MKI67: variants seen among roughly 807,000 people sequenced by gnomAD.
MKI67 encodes the protein marker of proliferation Ki-67, also known as proliferation marker protein Ki-67.
MKI67 carries 152 observed loss-of-function variants against 233.5 expected under a neutral mutation model. The observed-to-expected ratio is 0.65, with a 90% confidence interval of 0.57 to 0.74. The LOEUF is 0.74. MKI67 is among the 30% of genes least tolerant of loss of function. MKI67 has a pLI of 0.00. For missense variants in MKI67, 3,940 were observed against 3,885.2 expected (o/e 1.01, Z -0.37); for synonymous variants, 1,465 against 1,418.5 (o/e 1.03, Z -0.74).
chr10:128,119,026 G>A (rs191840757), intron 5 of MKI67, among the ~76,000 whole-genome samples: 2 of 152,190 alleles, frequency 1.3e-5, no homozygotes, highest in Admixed American at 6.5e-5. Context: ...GGCTAAAAGT[G>A]TAAGACCAAC....
Position 128,107,878 on chromosome 10 carries a change from TC to T in MKI67, c.3961del (p.Asp1321ThrfsTer2). On this transcript the variant is annotated frameshift_variant, in exon 13 of 15. Coordinates refer to ENST00000368654, the MANE Select transcript of MKI67 (RefSeq NM_002417.5). LOFTEE classifies it high-confidence loss of function. ...IFVGTPVQKL[D>X]LTENLTGSKR... ...GCTGCCGGTTAAGTTCTCTGTCAGG[TC>T]CAGTTTCTGCACTGGAGTTCCCACA... is the stretch of plus-strand genomic sequence containing the variant. The T allele has an allele frequency of 6.2e-7, 1 of 1,613,170 alleles. No homozygotes were observed. Among genetic ancestry groups the T allele is most frequent in the African/African-American group, 1.3e-5 (1 of 74,640 alleles).
In MKI67 at chr10:128,105,222, G is replaced by A. The variant is rs1191883104; in HGVS notation, c.6618C>T (p.Cys2206=). The A allele has an allele frequency of 1.2e-6, 2 of 1,613,844 alleles. No homozygotes were observed. The highest frequency in any genetic ancestry group is 2.7e-5 in the African/African-American group (2 of 74,838). Residue 2206 remains cysteine, a synonymous_variant, in exon 13 of 15, where the codon TGC becomes TGT. Coordinates refer to ENST00000368654, the MANE Select transcript of MKI67 (RefSeq NM_002417.5). ...GLKELFQTPI[C]TDKPTTHEKT... is the part of the protein sequence containing the mutation. ...TCTCATGAGTCGTGGGCTTGTCAGT[G>A]CATATTGGTGTCTGGAAGAGCTCTT...
In MKI67 at chr10:128,102,820, G is replaced by A. The variant is rs142238967; in HGVS notation, c.9020C>T (p.Thr3007Met). 523 of 1,614,152 alleles carry A rather than the reference G, an allele frequency of 3.2e-4. No individual in the cohort carries two copies. The African/African-American group carries it at 5.9e-3, about 18-fold the overall frequency. The change falls in exon 13 of 15, where the codon ACG (threonine) becomes ATG (methionine). Residue 3007 changes from threonine to methionine, a missense_variant. Transcript: ENST00000368654. The part of the protein sequence containing the change: ...KRGGGKDGSV[T>M]GTKRLRCMPA... ...CATGCAGCGCAGCCTCTTGGTTCCCGTGACGCTTCCATCTTTGCCACCTCC... is the reference window on the plus strand; with the variant it reads ...CATGCAGCGCAGCCTCTTGGTTCCCATGACGCTTCCATCTTTGCCACCTCC...
chr10:128,119,808 A>G (rs1483692224), intron 4 of MKI67, among the ~76,000 whole-genome samples: 1 of 152,258 alleles, frequency 6.6e-6, no homozygotes, highest in African/African-American at 2.4e-5. Context: ...CCTATATTTT[A>G]GAACACTATG....
chr10:128,112,487 C>A (rs996102918), intron 8 of MKI67, 42 bp from the exon 9 acceptor site: 1 of 1,567,424 alleles, frequency 6.4e-7, no homozygotes, highest in Admixed American at 1.7e-5. Flanking sequence ...TAACAAGGAT[C>A]TAACATCTCT....
At chr10:128,109,960 C>G (rs769604104) in intron 12 of MKI67, among the ~76,000 whole-genome samples, 3 of 152,176 alleles carry the variant, frequency 2.0e-5, no homozygotes, top group Non-Finnish European at 4.4e-5. Context: ...ACACTTACCC[C>G]GGGCCTGCTC....
In MKI67 at chr10:128,125,729, G is replaced by A; in HGVS notation, c.-62C>T. 7.1e-7 allele frequency: 1 copy of A among 1,398,856 alleles called. No individual in the cohort carries two copies. The highest frequency in any genetic ancestry group is 1.7e-5 in the Admixed American group (1 of 59,556). 86.7% of individuals were successfully genotyped at this position (1,398,856 alleles called of 1,614,324 possible). Reference sequence around the variant, plus strand: ...AGGCCAGGTATAATCCGTAGGGGAAGGCCAGAAGCAAATTTACAACTCTTC... The same window carrying A: ...AGGCCAGGTATAATCCGTAGGGGAAAGCCAGAAGCAAATTTACAACTCTTC... On this transcript the variant is annotated 5_prime_UTR_variant, in exon 2 of 15. Transcript: ENST00000368654. This position sits in a 1 kb window ranked among gnomAD's most constrained non-coding sequence, Gnocchi z 5.3.
Position 128,103,595 on chromosome 10 carries a change from T to C in MKI67, c.8245A>G (p.Thr2749Ala). 6.2e-7 allele frequency: 1 copy of C among 1,614,194 alleles called. No individual in the cohort carries two copies. The highest frequency in any genetic ancestry group is 1.1e-5 in the South Asian group (1 of 91,082). The change falls in exon 13 of 15, where the codon ACC (threonine) becomes GCC (alanine). Residue 2749 changes from threonine to alanine, a missense_variant. Transcript: ENST00000368654. ...GCTGGTTCTTTGTCTGCATCCGTGG[T>C]TTCCCCTGATGTTTGTGTGAACTTG... Reference protein sequence around the residue: ...AVKFTQTSGETTDADKEPAGE... With the variant: ...AVKFTQTSGEATDADKEPAGE...
chr10:128,105,562 G>T lies in MKI67; in HGVS notation c.6278C>A (p.Thr2093Lys), dbSNP rs753990300. Residue 2093 changes from threonine to lysine, a missense_variant, in exon 13 of 15, where the codon ACA becomes AAA. Thr to Lys is a moderately conservative substitution (Grantham distance 78, BLOSUM62 -1). Coordinates refer to ENST00000368654, the MANE Select transcript of MKI67 (RefSeq NM_002417.5). ...TATTTTGGTAGTTTTGTCATCAGTT[G>T]TTGATTCCTCAGTGTGGTCTGGTGT... ...FQTPDHTEES[T>K]TDDKTTKIAC... The T allele has an allele frequency of 2.5e-6, 4 of 1,614,022 alleles. No homozygotes were observed. In the East Asian group the frequency reaches 8.9e-5, roughly 36 times the overall value.
chr10:128,103,192 T>C lies in MKI67; in HGVS notation c.8648A>G (p.Lys2883Arg). Residue 2883 changes from lysine to arginine, a missense_variant, in exon 13 of 15, where the codon AAA becomes AGA. Transcript: ENST00000368654. Reference sequence around the variant, plus strand: ...CCGCTTTGCAGGTTGCTTAAATGCTTTCGTGCCTTTGCCCTCACCTACCGG... The same window carrying C: ...CCGCTTTGCAGGTTGCTTAAATGCTCTCGTGCCTTTGCCCTCACCTACCGG... The part of the protein sequence containing the change: ...KEPVGEGKGT[K>R]AFKQPAKRKL... The C allele has an allele frequency of 6.2e-7, 1 of 1,613,372 alleles. No homozygotes were observed. Among genetic ancestry groups the C allele is most frequent in the Non-Finnish European group, 8.5e-7 (1 of 1,179,882 alleles).
In MKI67 at chr10:128,122,939, C is replaced by T; in HGVS notation, c.229G>A (p.Asp77Asn). Residue 77 changes from aspartate (D) to asparagine (N), a missense_variant, in exon 4 of 15, where the codon GAT becomes AAT. Asp to Asn is a conservative substitution (Grantham distance 23). Coordinates refer to ENST00000368654, the MANE Select transcript of MKI67 (RefSeq NM_002417.5). ...CCATGTTTTAGCCGTACAGGCTCAT[C>T]AATAACAGACCCATTTACTTGTGTT... ...NPTQVNGSVIDEPVRLKHGDV... is the reference protein window; with the variant it reads ...NPTQVNGSVINEPVRLKHGDV... 1 of 1,608,488 alleles carries T rather than the reference C, an allele frequency of 6.2e-7. No homozygotes were observed.
At position 128,105,258 on chromosome 10, in the gene MKI67, C is replaced by T. The variant is rs576515880; in HGVS notation, c.6582G>A (p.Leu2194=). The change falls in exon 13 of 15, where the codon TTG becomes TTA. Residue 2194 remains leucine (L), a synonymous_variant. Transcript: ENST00000368654. Reference sequence around the variant, plus strand: ...TCTGGAAGAGCTCTTTCAAGCCAGCCAAGTCTTCTAGGGGTTGGGCTTTTC... The same window carrying T: ...TCTGGAAGAGCTCTTTCAAGCCAGCTAAGTCTTCTAGGGGTTGGGCTTTTC... The part of the protein sequence containing the change: ...PKGKAQPLED[L]AGLKELFQTP... 3 of 1,614,070 alleles carry T rather than the reference C, an allele frequency of 1.9e-6. No individual in the cohort carries two copies. Among genetic ancestry groups the T allele is most frequent in the East Asian group, 4.5e-5 (2 of 44,864 alleles).
Position 128,115,432 on chromosome 10 carries a change from C to G in MKI67, c.976G>C (p.Val326Leu). The part of the protein sequence containing the change: ...NKGKGRDVES[V>L]QTPSKAVGAS... ...CCCACAGCCTTGCTGGGAGTCTGAA[C>G]AGACTCCACGTCTCTTCCCTTCCCC... The change falls in exon 7 of 15, where the codon GTT becomes CTT. Residue 326 changes from valine to leucine, a missense_variant. By Grantham distance (32) the Val-to-Leu change is conservative. Coordinates refer to ENST00000368654, the MANE Select transcript of MKI67 (RefSeq NM_002417.5). The G allele has an allele frequency of 6.2e-7, 1 of 1,613,984 alleles. No homozygotes were observed. Among genetic ancestry groups the G allele is most frequent in the Non-Finnish European group, 8.5e-7 (1 of 1,179,972 alleles).
chr10:128,117,949 T>A (rs551387412), intron 5 of MKI67, among the ~76,000 whole-genome samples: 2 of 152,204 alleles, frequency 1.3e-5, no homozygotes, highest in African/African-American at 4.8e-5. Context: ...AACCCACAGT[T>A]CAACTGGCTT....
Position 128,112,216 on chromosome 10 carries a change from A to G in MKI67, c.1886T>C (p.Val629Ala). ...ATCATGTTGACTTCGGCTGATAGAC[A>G]CTCTCTTTGAAGGCAGGTTGCCACT... Reference protein sequence around the residue: ...RKSGNLPSKRVSISRSQHDIL... With the variant: ...RKSGNLPSKRASISRSQHDIL... The change falls in exon 9 of 15, where the codon GTG (valine) becomes GCG (alanine). Residue 629 changes from valine (V) to alanine (A), a missense_variant. Transcript: ENST00000368654. 1.2e-6 allele frequency: 2 copies of G among 1,613,808 alleles called. No individual in the cohort carries two copies. Among genetic ancestry groups the G allele is most frequent in the Non-Finnish European group, 1.7e-6 (2 of 1,179,918 alleles).
chr10:128,104,689 C>T lies in MKI67; in HGVS notation c.7151G>A (p.Gly2384Asp), dbSNP rs577377467. ...TGGTTTTGGTGTGTCCATGGCTTTG[C>T]CTGCTGATGGTGTTCGTTTCCTGAG... ...LALRKRTPSA[G>D]KAMDTPKPAV... Residue 2384 changes from glycine to aspartate, a missense_variant, in exon 13 of 15, where the codon GGC becomes GAC. Transcript: ENST00000368654. The T allele has an allele frequency of 6.2e-6, 10 of 1,613,900 alleles. No individual in the cohort carries two copies. The highest frequency in any genetic ancestry group is 2.2e-5 in the South Asian group (2 of 91,072).
chr10:128,105,776 A>T lies in MKI67; in HGVS notation c.6064T>A (p.Ser2022Thr). Residue 2022 changes from serine to threonine, a missense_variant, in exon 13 of 15, where the codon TCA (serine) becomes ACA (threonine). Ser to Thr is a moderately conservative substitution (Grantham distance 58). Coordinates refer to ENST00000368654, the MANE Select transcript of MKI67 (RefSeq NM_002417.5). The stretch of plus-strand genomic sequence containing the variant: ...CTGTGTGTCTGTGTGGTCTTCCCTG[A>T]CGTCTGTGTGAGCTTGCCGACTGGT... Reference protein sequence around the residue: ...VLPVGKLTQTSGKTTQTHRET... With the variant: ...VLPVGKLTQTTGKTTQTHRET... The T allele has an allele frequency of 6.2e-7, 1 of 1,613,142 alleles. No individual in the cohort carries two copies. Among genetic ancestry groups the T allele is most frequent in the South Asian group, 1.1e-5 (1 of 91,002 alleles).
intron 8 of MKI67, among the ~76,000 whole-genome samples, chr10:128,113,140 G>A (rs1013692562): frequency 2.0e-5 from 3 of 152,154 alleles, no homozygotes; most frequent in African/African-American, 4.8e-5. Flanking sequence ...GTGCCTGCAG[G>A]TGATTACGCA....
Position 128,115,162 on chromosome 10 carries a change from C to T in MKI67, c.1246G>A (p.Glu416Lys). 6.2e-7 allele frequency: 1 copy of T among 1,614,204 alleles called. No individual in the cohort carries two copies. The highest frequency in any genetic ancestry group is 1.1e-5 in the South Asian group (1 of 91,088). The part of the protein sequence containing the change: ...EDAADSATKP[E>K]NLSSKTRGSI... ...CCTCTGGTTTTGGAAGAGAGATTTT[C>T]TGGCTTAGTGGCAGAGTCAGCTGCA... The change falls in exon 7 of 15, where the codon GAA becomes AAA. Residue 416 changes from glutamate to lysine, a missense_variant. Transcript: ENST00000368654.
Sources: allele counts gnomAD v4.1 joint callset (sites outside exome capture counted in the v4.1 genomes callset), GRCh38; gene constraint gnomAD v4.1.1; non-coding constraint Gnocchi (gnomAD v3.1); transcripts MANE v1.5; gene names NCBI Gene and HGNC (gene_info 2026-07-23, HGNC 2026-07-21).